Variants in CD9 observed in about 807,000 individuals in gnomAD.
CD9 encodes CD9 molecule, also known as CD9 antigen.
CD9 carries 10 observed loss-of-function variants against 31.4 expected under a neutral mutation model. That is an observed-to-expected ratio of 0.32 (90% confidence interval 0.20 to 0.54). The LOEUF (loss-of-function observed/expected upper bound fraction) is 0.54. Ranked by LOEUF, CD9 falls within the 20% of genes least tolerant of loss-of-function variation. The probability of loss-of-function intolerance (pLI) is 0.94; values close to 1 mark genes in which losing one functional copy is unlikely to be tolerated. For synonymous variants in CD9, 113 were observed against 114.1 expected (o/e 0.99, Z 0.06); for missense variants, 259 against 300.1 (o/e 0.86, Z 1.01).
intron 2 of CD9, chr12:6,226,240 CGTT>C (rs903535788): frequency 1.3e-5 from 2 of 152,216 alleles, no homozygotes; most frequent in Non-Finnish European, 2.9e-5. Context: ...CTATCCCTCT[CGTT>C]GCCGTATCAC....
At position 6,237,799 on chromosome 12, in the gene CD9, G is replaced by A; in HGVS notation, c.658G>A (p.Ala220Thr). ...GMIFSMILCCAIRRNREMV is the reference protein window; with the variant it reads ...GMIFSMILCCTIRRNREMV ...GATCTTCAGTATGATCTTGTGCTGT[G>A]CTATCCGCAGGAACCGCGAGATGGT... The change falls in exon 8 of 8, where the codon GCT becomes ACT. Residue 220 changes from alanine (A) to threonine (T), a missense_variant. Transcript: ENST00000009180. 6.2e-7 allele frequency: 1 copy of A among 1,613,502 alleles called. No homozygotes were observed.
intron 1 of CD9, among the ~76,000 whole-genome samples, chr12:6,206,875 T>C (rs1410013873): frequency 6.6e-6 from 1 of 152,022 alleles, no homozygotes; most frequent in African/African-American, 2.4e-5. Context: ...AAAAATGTTA[T>C]GTCTGTTTCT....
At chr12:6,225,795 G>T (rs982842827) in intron 2 of CD9, 3 of 475,930 alleles carry the variant, frequency 6.3e-6, no homozygotes, top group Non-Finnish European at 1.1e-5. Flanking sequence ...TGTAGCCTCT[G>T]CCAAAGTTGT....
intron 1 of CD9, among the ~76,000 whole-genome samples, chr12:6,222,323 A>T (rs11568285): frequency 0.041 from 6,309 of 152,172 alleles, 159 homozygotes; most frequent in Non-Finnish European, 0.059. Context: ...ATTTTTGTCC[A>T]AGTGTTCCCA....
At chr12:6,224,575 T>A (rs1175505171) in intron 1 of CD9, among the ~76,000 whole-genome samples, 2 of 152,180 alleles carry the variant, frequency 1.3e-5, no homozygotes, top group Non-Finnish European at 2.9e-5. Context: ...GAGCGGGCTC[T>A]GACATAAGAG....
chr12:6,225,569 C>T, intron 2 of CD9, 35 bp downstream of exon 2: 1 of 1,369,740 alleles, frequency 7.3e-7, no homozygotes, highest in Non-Finnish European at 1.0e-6. Context: ...AATTCAGACC[C>T]TGGCTCCAAC....
rs753245518 is a variant in CD9 at position 6,237,798 on chromosome 12, T to C, written c.657T>C (p.Cys219=). ...FGMIFSMILC[C]AIRRNREMV ...TGATCTTCAGTATGATCTTGTGCTGTGCTATCCGCAGGAACCGCGAGATGG... is the reference window on the plus strand; with the variant it reads ...TGATCTTCAGTATGATCTTGTGCTGCGCTATCCGCAGGAACCGCGAGATGG... The change falls in exon 8 of 8, where the codon TGT becomes TGC. Residue 219 remains cysteine, a synonymous_variant. Transcript: ENST00000009180. 3.1e-6 allele frequency: 5 copies of C among 1,613,718 alleles called. No individual in the cohort carries two copies. Among genetic ancestry groups the C allele is most frequent in the Non-Finnish European group, 4.2e-6 (5 of 1,179,626 alleles).
chr12:6,233,367 G>T, intron 3 of CD9, 45 bp from the exon 4 acceptor site: 1 of 1,420,498 alleles, frequency 7.0e-7, no homozygotes, highest in Non-Finnish European at 1.0e-6. Context: ...TTTCCTGGCT[G>T]GTTGGCTGGG....
intron 2 of CD9, among the ~76,000 whole-genome samples, chr12:6,229,598 T>C (rs1022573411): frequency 2.6e-5 from 4 of 152,144 alleles, no homozygotes; most frequent in African/African-American, 9.7e-5. Flanking sequence ...TTGGATATAA[T>C]AAACTTTTAT....
chr12:6,201,460 C>T (rs1483719003), intron 1 of CD9, among the ~76,000 whole-genome samples: 1 of 152,214 alleles, frequency 6.6e-6, no homozygotes, highest in Admixed American at 6.5e-5. Context: ...CCAGGCGGCC[C>T]ACCCAAGGCC....
At chr12:6,222,144 G>A (rs552285605) in intron 1 of CD9, among the ~76,000 whole-genome samples, 2 of 152,320 alleles carry the variant, frequency 1.3e-5, no homozygotes, top group Non-Finnish European at 2.9e-5. Flanking sequence ...GGTGGCACTG[G>A]TTATACAAGT....
chr12:6,203,001 G>A (rs709852), intron 1 of CD9, among the ~76,000 whole-genome samples: 151,802 of 152,298 alleles, frequency 1, 75,655 homozygotes, highest in Middle Eastern at 1. Context: ...CTGGGTCCCT[G>A]TGGAGATGAA....
At position 6,238,238 on chromosome 12, in the gene CD9, A is replaced by T. The variant is rs1946544960; in HGVS notation, c.*410A>T. 6.4e-6 allele frequency: 1 copy of T among 155,408 alleles called. No individual in the cohort carries two copies. Among genetic ancestry groups the T allele is most frequent in the Non-Finnish European group, 1.4e-5 (1 of 70,166 alleles). The allele number at this position is 155,408 out of a possible 1,614,324, so 9.6% of individuals were successfully genotyped here. ...ACTTATATTGAAGACAATTTGATAC[A>T]TAATAAAAAATTATGACAATGTCCT... is the stretch of plus-strand genomic sequence containing the variant. On this transcript the variant is annotated 3_prime_UTR_variant, in exon 8 of 8. Coordinates refer to ENST00000009180, the MANE Select transcript of CD9 (RefSeq NM_001769.4).
chr12:6,211,405 CA>C (rs563350089), intron 1 of CD9, among the ~76,000 whole-genome samples: 159 of 152,252 alleles, frequency 1.0e-3, no homozygotes, highest in African/African-American at 3.6e-3. Flanking sequence ...TTGGGGTTTG[CA>C]AGATCCCATG....
At chr12:6,236,589 G>C (rs554372857) in intron 7 of CD9, 1 of 449,946 alleles carries the variant, frequency 2.2e-6, no homozygotes, top group South Asian at 6.2e-5. Flanking sequence ...GTCTCCTCAC[G>C]CACCTGCTGT....
intron 1 of CD9, among the ~76,000 whole-genome samples, chr12:6,212,255 C>A (rs1946201410): frequency 6.6e-6 from 1 of 152,184 alleles, no homozygotes; most frequent in African/African-American, 2.4e-5. Flanking sequence ...CGCTTTACCT[C>A]TCGGAGCCTG....
rs1946500977 is a variant in CD9 at position 6,235,232 on chromosome 12, AT to A, written c.354del (p.Lys119ArgfsTer14). The A allele has an allele frequency of 6.2e-7, 1 of 1,603,956 alleles. No homozygotes were observed. ...CTCTCTCGTCTGCCCATTGTAGGTG[AT>A]TAAGGAAGTCCAGGAGTTTTACAAG... ...IWGYSHKDEV[I>X]KEVQEFYKDT... On this transcript the variant is annotated frameshift_variant, in exon 5 of 8. Coordinates refer to ENST00000009180, the MANE Select transcript of CD9 (RefSeq NM_001769.4). LOFTEE classifies it high-confidence loss of function.
At chr12:6,227,242 A>G (rs892416095) in intron 2 of CD9, among the ~76,000 whole-genome samples, 3 of 150,486 alleles carry the variant, frequency 2.0e-5, no homozygotes, top group Admixed American at 2.0e-4. Context: ...CTTGTTGCCC[A>G]GGCTGGAGTG....
chr12:6,232,926 G>C lies in CD9; in HGVS notation c.273+197G>C, dbSNP rs552271201. On this transcript the variant is annotated intron_variant, in intron 3 of 7. Transcript: ENST00000009180. The surrounding 1 kb of genome is among the most constrained non-coding windows in gnomAD (Gnocchi z 4.8). The stretch of plus-strand genomic sequence containing the variant: ...CTTCCTTTCTGGAGCCTGTCTTATC[G>C]CTTCCCCTAGGCAACTAAAAGGACT... 1.4e-6 allele frequency: 1 copy of C among 702,742 alleles called. No individual in the cohort carries two copies. Among genetic ancestry groups the C allele is most frequent in the East Asian group, 2.7e-5 (1 of 37,292 alleles). 43.5% of individuals were successfully genotyped at this position (702,742 alleles called of 1,614,324 possible). A position where few individuals can be genotyped will look rare whatever the true frequency, so the allele number is the denominator to read the frequency against.
Sources: gnomAD v4.1 joint callset for allele counts (sites outside exome capture counted in the v4.1 genomes callset) on GRCh38, gnomAD v4.1.1 for gene constraint, Gnocchi (gnomAD v3.1) non-coding constraint, MANE v1.5 for transcripts, NCBI Gene and HGNC (gene_info 2026-07-23, HGNC 2026-07-21) for gene names.